UTS2B: variants seen among roughly 807,000 people sequenced by gnomAD.
UTS2B encodes urotensin 2B.
UTS2B carries 21 observed loss-of-function variants against 19.2 expected under a neutral mutation model. The observed-to-expected ratio is 1.09, with a 90% CI of 0.78 to 1.58. The LOEUF (loss-of-function observed/expected upper bound fraction) is 1.58, where lower values mean the gene tolerates loss of function less well. UTS2B is among the 40% of genes most tolerant of loss of function. The pLI is 0.00. For synonymous variants in UTS2B, 57 were observed against 50.2 expected (o/e 1.14, Z -0.58); for missense variants, 138 against 130.3 (o/e 1.06, Z -0.29).
chr3:191,279,191 C>T (rs1716316691), intron 5 of UTS2B, among the ~76,000 whole-genome samples: 1 of 151,982 alleles, frequency 6.6e-6, no homozygotes, highest in African/African-American at 2.4e-5. Context: ...TCACAGTTTT[C>T]TACATTAACC....
chr3:191,315,139 A>G (rs905599881), intron 3 of UTS2B, among the ~76,000 whole-genome samples: 3 of 151,662 alleles, frequency 2.0e-5, no homozygotes, highest in African/African-American at 7.3e-5. Context: ...CAGCCTCCCG[A>G]GTAGCTAGGA....
Position 191,316,401 on chromosome 3 carries a change from G to C in UTS2B, c.-547C>G, listed in dbSNP as rs576111415. The C allele has an allele frequency of 6.6e-6, 1 of 152,326 alleles. No individual in the cohort carries two copies. Among genetic ancestry groups the C allele is most frequent in the Non-Finnish European group, 1.5e-5 (1 of 68,154 alleles). The allele number at this position is 152,326 out of a possible 1,614,324, so 9.4% of individuals were successfully genotyped here. A position where few individuals can be genotyped will look rare whatever the true frequency, so the allele number is the denominator to read the frequency against. ...CGCGGTGAGTGCTACAGCTCTTATG[G>C]GCAGTGCAGACCCAAAGAGTGAGCA... On this transcript the variant is annotated 5_prime_UTR_variant, in exon 3 of 9. Coordinates refer to ENST00000340524, the MANE Select transcript of UTS2B (RefSeq NM_198152.5).
At chr3:191,340,142 A>G in the UTS2B span, among the ~76,000 whole-genome samples, 1 of 152,200 alleles carries the variant, frequency 6.6e-6, no homozygotes, top group African/African-American at 2.4e-5. Context: ...TTAAGAGGTA[A>G]TTTAATCTGT....
intron 6 of UTS2B, among the ~76,000 whole-genome samples, chr3:191,277,284 A>T (rs1009213793): frequency 1.3e-5 from 2 of 152,044 alleles, no homozygotes; most frequent in Non-Finnish European, 2.9e-5. Context: ...TTTGGGTATA[A>T]ATTTTTTGTT....
At chr3:191,320,681 T>C (rs887009687) in intron 2 of UTS2B, among the ~76,000 whole-genome samples, 43 of 152,354 alleles carry the variant, frequency 2.8e-4, no homozygotes, top group African/African-American at 9.9e-4. Flanking sequence ...ATTTTTGTTG[T>C]ATTTTAAAGC....
At chr3:191,278,245 A>G in intron 5 of UTS2B, 75 bp from the exon 6 acceptor site, 1 of 740,738 alleles carries the variant, frequency 1.3e-6, no homozygotes, top group Non-Finnish European at 2.2e-6. Flanking sequence ...CTTACAGGCT[A>G]CTATCAATTT....
intron 3 of UTS2B, among the ~76,000 whole-genome samples, chr3:191,306,017 T>G (rs1400334074): frequency 6.6e-6 from 1 of 152,154 alleles, no homozygotes; most frequent in Non-Finnish European, 1.5e-5. Context: ...TTCTGTTCCA[T>G]TGGTCTATGT....
intron 2 of UTS2B, among the ~76,000 whole-genome samples, chr3:191,319,139 C>T (rs1717544620): frequency 6.6e-6 from 1 of 152,068 alleles, no homozygotes; most frequent in Non-Finnish European, 1.5e-5. Flanking sequence ...TGCATTAGCT[C>T]CTTGTACTAA....
At chr3:191,269,127 T>C (rs905917452) in intron 8 of UTS2B, among the ~76,000 whole-genome samples, 10 of 152,250 alleles carry the variant, frequency 6.6e-5, no homozygotes, top group African/African-American at 2.4e-4. Context: ...TAGCTAATTA[T>C]CAGTTTCTCT....
intron 2 of UTS2B, among the ~76,000 whole-genome samples, chr3:191,319,898 T>A (rs941297475): frequency 3.3e-5 from 5 of 151,294 alleles, no homozygotes; most frequent in African/African-American, 1.2e-4. Flanking sequence ...TTTTTTTTTT[T>A]TAAAAACCTT....
At chr3:191,306,532 G>C (rs1307162806) in intron 3 of UTS2B, among the ~76,000 whole-genome samples, 1 of 152,186 alleles carries the variant, frequency 6.6e-6, no homozygotes, top group East Asian at 1.9e-4. Context: ...ACAGCACAGA[G>C]ACATTTATAA....
rs140107652 is a variant in UTS2B at position 191,276,639 on chromosome 3, G to C, written c.240+168C>G. Among the ~76,000 whole-genome samples the C allele has an allele frequency of 5.5e-4, 84 of 152,210 alleles. 1 individual carries two copies. The East Asian group carries it at 0.014, about 26-fold the overall frequency. ...CATAGTTTTGTTTTGTTTTGTGTTA[G>C]TATAACTTGATTTTTCTTTTTCTAC... On this transcript the variant is annotated intron_variant, in intron 7 of 8. Coordinates refer to ENST00000340524, the MANE Select transcript of UTS2B (RefSeq NM_198152.5).
At chr3:191,343,137 A>G in the UTS2B span, among the ~76,000 whole-genome samples, 1 of 152,324 alleles carries the variant, frequency 6.6e-6, no homozygotes, top group African/African-American at 2.4e-5. Context: ...GGCCAACTGC[A>G]AGAAGTGAGT....
intron 6 of UTS2B, chr3:191,277,546 T>G (rs1716269335): frequency 6.6e-6 from 1 of 152,100 alleles, no homozygotes; most frequent in African/African-American, 2.4e-5. Flanking sequence ...CATGGATATT[T>G]GTAAGTCAGA....
intron 4 of UTS2B, among the ~76,000 whole-genome samples, chr3:191,284,445 T>C (rs1716477988): frequency 6.6e-6 from 1 of 151,696 alleles, no homozygotes; most frequent in African/African-American, 2.4e-5. Flanking sequence ...CCTCAGCCTC[T>C]TGAGTAGCTG....
At chr3:191,324,815 G>A (rs981264554) in intron 2 of UTS2B, among the ~76,000 whole-genome samples, 1 of 152,170 alleles carries the variant, frequency 6.6e-6, no homozygotes, top group South Asian at 2.1e-4. Context: ...TTGGGAGGCT[G>A]AGGCAGGTAG....
At chr3:191,304,651 A>G (rs189977167) in intron 3 of UTS2B, 103 bp from the exon 4 acceptor site, 1 of 152,150 alleles carries the variant, frequency 6.6e-6, no homozygotes, top group South Asian at 2.1e-4. Flanking sequence ...CTATTTTTAT[A>G]TTGATTGTCA....
rs12485794 is a variant in UTS2B at position 191,316,052 on chromosome 3, T to A, written c.-198A>T. The A allele has an allele frequency of 0.036, 5,535 of 152,328 alleles. 265 individuals carry two copies. Among genetic ancestry groups the A allele is most frequent in the East Asian group, 0.21 (1,102 of 5,174 alleles). 9.4% of individuals were successfully genotyped at this position (152,328 alleles called of 1,614,324 possible). On this transcript the variant is annotated 5_prime_UTR_variant, in exon 3 of 9. In the 5' UTR this introduces an upstream ATG that the reference lacks. Transcript: ENST00000340524. ...TCTTCTTACCTGTGTCACAGGTGGCTTCTCTTGACATAGCTCAAGTGGGTT... is the reference window on the plus strand; with the variant it reads ...TCTTCTTACCTGTGTCACAGGTGGCATCTCTTGACATAGCTCAAGTGGGTT...
chr3:191,308,265 G>A (rs145072780), intron 3 of UTS2B, among the ~76,000 whole-genome samples: 2 of 152,350 alleles, frequency 1.3e-5, no homozygotes, highest in Non-Finnish European at 2.9e-5. Context: ...AATAAAGGAA[G>A]AGCTAAGCCA....
Sources: gnomAD v4.1 joint callset for allele counts (sites outside exome capture counted in the v4.1 genomes callset) on GRCh38, gnomAD v4.1.1 for gene constraint, MANE v1.5 for transcripts, NCBI Gene and HGNC (gene_info 2026-07-23, HGNC 2026-07-21) for gene names.